The following ASTN2 variants were observed in gnomAD, a reference collection of about 807,000 sequenced individuals.
The protein encoded by ASTN2 is astrotactin 2, also known as astrotactin-2.
Under a neutral mutation model 139.8 loss-of-function variants are expected in ASTN2, and 54 were observed. That is an observed-to-expected ratio of 0.39 (90% CI 0.31 to 0.48). ASTN2 has a LOEUF of 0.48. ASTN2 is among the 20% of genes least tolerant of loss of function. The pLI is 0.95. For missense variants in ASTN2, 1,565 were observed against 1,725.1 expected, an observed-to-expected ratio of 0.91 and a Z score of 1.64; for synonymous variants, 756 against 719.5, an observed-to-expected ratio of 1.05 and a Z score of -0.81.
At chr9:116,991,130 C>A (rs1836840053) in intron 7 of ASTN2, among the ~76,000 whole-genome samples, 1 of 151,176 alleles carries the variant, frequency 6.6e-6, no homozygotes, top group Non-Finnish European at 1.5e-5. Context: ...CATAACAGAC[C>A]ATTCATCACG....
chr9:117,176,714 C>A (rs1011547061), intron 3 of ASTN2, among the ~76,000 whole-genome samples: 1 of 152,142 alleles, frequency 6.6e-6, no homozygotes, highest in Non-Finnish European at 1.5e-5. Flanking sequence ...GGGAGGCTTG[C>A]TCAAGGCCAG....
At chr9:117,208,483 T>C (rs1311675637) in intron 3 of ASTN2, among the ~76,000 whole-genome samples, 6 of 151,036 alleles carry the variant, frequency 4.0e-5, no homozygotes, top group African/African-American at 1.5e-4. Flanking sequence ...AAAGAATAAA[T>C]AATACAAAAA....
At chr9:117,008,685 A>C (rs1837429283) in intron 6 of ASTN2, among the ~76,000 whole-genome samples, 1 of 152,174 alleles carries the variant, frequency 6.6e-6, no homozygotes, top group Admixed American at 6.5e-5. Context: ...TTATTATAGG[A>C]AATAATGATT....
intron 20 of ASTN2, among the ~76,000 whole-genome samples, chr9:116,459,825 T>C (rs1848434027): frequency 1.3e-5 from 2 of 152,080 alleles, no homozygotes; most frequent in South Asian, 4.1e-4. Flanking sequence ...GGTGCAGCCA[T>C]ATTGGAAAAC....
chr9:116,446,900 G>A (rs1338103700), intron 20 of ASTN2, among the ~76,000 whole-genome samples: 1 of 152,172 alleles, frequency 6.6e-6, no homozygotes, highest in African/African-American at 2.4e-5. Context: ...CTACTCCGAA[G>A]TATTTTTCAA....
intron 7 of ASTN2, among the ~76,000 whole-genome samples, chr9:117,006,525 T>C (rs1388599928): frequency 6.6e-6 from 1 of 152,154 alleles, no homozygotes; most frequent in Non-Finnish European, 1.5e-5. Context: ...ACCTCCATGG[T>C]CCAAGCCACT....
chr9:116,448,178 CAG>C lies in ASTN2; in HGVS notation c.3498-5627_3498-5626del, dbSNP rs1464492757. 3.3e-5 allele frequency among the ~76,000 whole-genome samples: 5 copies of C among 152,322 alleles called. No homozygotes were observed. In the East Asian group the frequency reaches 9.7e-4, roughly 29 times the overall value. ...GTCTCCTCGCTGATTTGAAGGGAAACAGATGTTTCCAGGCCAGAGGCCCCAGT... is the reference window on the plus strand; with the variant it reads ...GTCTCCTCGCTGATTTGAAGGGAAACATGTTTCCAGGCCAGAGGCCCCAGT... On this transcript the variant is annotated intron_variant, in intron 20 of 22. Coordinates refer to ENST00000313400, the MANE Select transcript of ASTN2 (RefSeq NM_001365068.1).
chr9:116,593,568 C>T (rs1174494277), intron 19 of ASTN2, among the ~76,000 whole-genome samples: 1 of 152,234 alleles, frequency 6.6e-6, no homozygotes, highest in African/African-American at 2.4e-5. Context: ...CTACAACCAC[C>T]TGTGATAGTT....
intron 1 of ASTN2, among the ~76,000 whole-genome samples, chr9:117,403,200 T>A (rs1830887016): frequency 6.6e-6 from 1 of 152,182 alleles, no homozygotes. Flanking sequence ...ATTCTGATGA[T>A]CAGCTAACTT....
chr9:116,673,170 G>T (rs1859301247), intron 16 of ASTN2, among the ~76,000 whole-genome samples: 1 of 152,082 alleles, frequency 6.6e-6, no homozygotes, highest in Non-Finnish European at 1.5e-5. Flanking sequence ...CAAAATTCTG[G>T]CCCCTATGCT....
In ASTN2 at chr9:117,414,709, C is replaced by G. The variant is rs1831278990; in HGVS notation, c.230G>C (p.Arg77Pro). The change falls in exon 1 of 23, where the codon CGG becomes CCG. Residue 77 changes from arginine (R) to proline (P), a missense_variant. Arg to Pro is a moderately radical substitution (Grantham distance 103). Coordinates refer to ENST00000313400, the MANE Select transcript of ASTN2 (RefSeq NM_001365068.1). The surrounding 1 kb of genome is among the most constrained non-coding windows in gnomAD (Gnocchi z 4.2). ...GCCGCTCCAGCCGATGTCGCTCTCC[C>G]GCAGGGCGGGCAGTGTGGACACCGT... ...TVTVSTLPAL[R>P]ESDIGWSGAR... is the part of the protein sequence containing the mutation. 1.6e-6 allele frequency: 2 copies of G among 1,261,750 alleles called. No individual in the cohort carries two copies. Among genetic ancestry groups the G allele is most frequent in the Admixed American group, 3.8e-5 (1 of 26,508 alleles). The allele number at this position is 1,261,750 out of a possible 1,614,324, so 78.2% of individuals were successfully genotyped here.
At chr9:116,800,941 T>C (rs1226402425) in intron 13 of ASTN2, among the ~76,000 whole-genome samples, 1 of 152,180 alleles carries the variant, frequency 6.6e-6, no homozygotes, top group African/African-American at 2.4e-5. Flanking sequence ...CAGACCTCTC[T>C]TATATCAGCA....
intron 3 of ASTN2, among the ~76,000 whole-genome samples, chr9:117,192,902 T>C (rs960560640): frequency 3.9e-5 from 6 of 152,232 alleles, no homozygotes; most frequent in African/African-American, 1.4e-4. Flanking sequence ...GTTTATCATA[T>C]AATGTTTATG....
At chr9:117,177,771 T>C (rs1830953748) in intron 3 of ASTN2, among the ~76,000 whole-genome samples, 1 of 152,218 alleles carries the variant, frequency 6.6e-6, no homozygotes, top group African/African-American at 2.4e-5. Flanking sequence ...ATTTTTGTTA[T>C]TGTTATATGC....
chr9:116,439,706 C>T (rs1204694159), intron 22 of ASTN2, among the ~76,000 whole-genome samples: 1 of 152,174 alleles, frequency 6.6e-6, no homozygotes, highest in African/African-American at 2.4e-5. Context: ...CCCCCACAAC[C>T]CTCACTTACC....
intron 11 of ASTN2, among the ~76,000 whole-genome samples, chr9:116,858,951 T>A (rs1832809575): frequency 1.3e-5 from 2 of 152,170 alleles, no homozygotes; most frequent in South Asian, 2.1e-4. Flanking sequence ...AAAGTCTAAC[T>A]TGGGTCTCAA....
chr9:116,544,690 T>G (rs1852018115), intron 19 of ASTN2, among the ~76,000 whole-genome samples: 1 of 152,184 alleles, frequency 6.6e-6, no homozygotes, highest in Admixed American at 6.5e-5. Flanking sequence ...GACCTCATAC[T>G]TTTGACACCA....
At chr9:116,580,993 G>C (rs1287965134) in intron 19 of ASTN2, among the ~76,000 whole-genome samples, 2 of 152,176 alleles carry the variant, frequency 1.3e-5, no homozygotes, top group Non-Finnish European at 2.9e-5. Flanking sequence ...TGGGAGTGGA[G>C]CAATTACAAG....
chr9:116,606,260 C>A (rs1254697135), intron 19 of ASTN2, among the ~76,000 whole-genome samples: 1 of 152,122 alleles, frequency 6.6e-6, no homozygotes, highest in Non-Finnish European at 1.5e-5. Flanking sequence ...CCGGAACTGA[C>A]CGAGCGATGG....
Sources: allele counts gnomAD v4.1 joint callset (sites outside exome capture counted in the v4.1 genomes callset), GRCh38; gene constraint gnomAD v4.1.1; non-coding constraint Gnocchi (gnomAD v3.1); transcripts MANE v1.5; gene names NCBI Gene and HGNC (gene_info 2026-07-23, HGNC 2026-07-21).